The following TRMT11 variants were observed in gnomAD, a reference collection of about 807,000 sequenced individuals.
TRMT11 encodes tRNA (guanine(10)-N(2))-methyltransferase TRMT11.
TRMT11 carries 53 observed loss-of-function variants against 62.8 expected under a neutral mutation model. The ratio of observed to expected loss-of-function variants is 0.84; its 90% CI spans 0.68 to 1.06. The LOEUF is 1.06. Ranked by LOEUF, TRMT11 falls within the 50% of genes least tolerant of loss-of-function variation. TRMT11 has a pLI of 0.00. For missense variants in TRMT11, 556 were observed against 553.4 expected, an observed-to-expected ratio of 1.00 and a Z score of -0.05; for synonymous variants, 188 against 190.3, an observed-to-expected ratio of 0.99 and a Z score of 0.10.
chr6:126,242,494 G>A, the TRMT11 span, among the ~76,000 whole-genome samples: 4 of 152,158 alleles, frequency 2.6e-5, no homozygotes, highest in African/African-American at 9.7e-5. Context: ...TAAGCCAAAA[G>A]AACAAAGCTG....
the TRMT11 span, among the ~76,000 whole-genome samples, chr6:126,241,733 G>C: frequency 2.6e-5 from 4 of 152,110 alleles, no homozygotes; most frequent in Non-Finnish European, 5.9e-5. Flanking sequence ...GACCTTTGAC[G>C]AAATACAACA....
intron 7 of TRMT11, among the ~76,000 whole-genome samples, chr6:126,006,453 T>TA (rs1359903216): frequency 6.6e-6 from 1 of 152,016 alleles, no homozygotes; most frequent in Non-Finnish European, 1.5e-5. Flanking sequence ...GATACTACCC[T>TA]AACCTTAAAG....
At chr6:126,093,960 A>T (rs566511952) in intron 17 of TRMT11, among the ~76,000 whole-genome samples, 16 of 152,142 alleles carry the variant, frequency 1.1e-4, no homozygotes, top group Non-Finnish European at 2.2e-4. Flanking sequence ...TCCACAGTAT[A>T]ATGTGAGTGG....
In TRMT11 at chr6:126,080,056, A is replaced by G. The variant is rs528962894; in HGVS notation, c.*1437+26866A>G. Among the ~76,000 whole-genome samples, 9 of 152,172 alleles carry G rather than the reference A, an allele frequency of 5.9e-5. No individual in the cohort carries two copies. In the East Asian group the frequency reaches 1.7e-3, roughly 29 times the overall value. ...TCTGCTAGTGTATTTTTTTATCTAC[A>G]TAACAGGAAAAAGAAAACCAACTCT... is the stretch of plus-strand genomic sequence containing the variant. On this transcript the variant is annotated intron_variant and NMD_transcript_variant, in intron 17 of 22. Transcript: ENST00000648977.
intron 1 of TRMT11, among the ~76,000 whole-genome samples, chr6:126,193,488 G>GTTT (rs1778627491): frequency 1.7e-4 from 20 of 118,124 alleles, no homozygotes; most frequent in African/African-American, 6.3e-4. Context: ...GAGCGTTTCT[G>GTTT]TATTTTTTTT....
At chr6:126,081,462 C>G (rs1365397197) in intron 17 of TRMT11, among the ~76,000 whole-genome samples, 2 of 152,062 alleles carry the variant, frequency 1.3e-5, no homozygotes, top group Non-Finnish European at 2.9e-5. Context: ...CTCTAATAAG[C>G]AGAAAGTAGT....
At chr6:126,145,636 C>T (rs916936268) in intron 21 of TRMT11, among the ~76,000 whole-genome samples, 2 of 152,118 alleles carry the variant, frequency 1.3e-5, no homozygotes, top group Admixed American at 6.5e-5. Flanking sequence ...AGGTCAGTAA[C>T]GACTTCCATG....
At chr6:126,261,946 T>C in the TRMT11 span, among the ~76,000 whole-genome samples, 1 of 152,180 alleles carries the variant, frequency 6.6e-6, no homozygotes, top group Admixed American at 6.5e-5. Context: ...GTAGTCTGTC[T>C]AGGGGTGGGC....
chr6:126,037,190 C>T (rs974359009), intron 12 of TRMT11, among the ~76,000 whole-genome samples: 4 of 151,976 alleles, frequency 2.6e-5, no homozygotes, highest in African/African-American at 9.7e-5. Context: ...TCTTTAGAGT[C>T]AAACAGATCT....
At chr6:126,090,097 T>C (rs1777257578) in intron 17 of TRMT11, among the ~76,000 whole-genome samples, 1 of 152,174 alleles carries the variant, frequency 6.6e-6, no homozygotes, top group Non-Finnish European at 1.5e-5. Flanking sequence ...CAGACATCTT[T>C]CCCTTATTGA....
chr6:126,106,608 G>A (rs1052950234), intron 17 of TRMT11, among the ~76,000 whole-genome samples: 28 of 152,088 alleles, frequency 1.8e-4, no homozygotes, highest in Non-Finnish European at 2.5e-4. Flanking sequence ...GTTTGAATGC[G>A]GCCTCTATAA....
chr6:126,182,223 T>C (rs762604467), intron 1 of TRMT11, among the ~76,000 whole-genome samples: 9 of 152,046 alleles, frequency 5.9e-5, no homozygotes, highest in Non-Finnish European at 8.8e-5. Context: ...CTTTTCAGGG[T>C]TGAGGGAAAG....
the TRMT11 span, among the ~76,000 whole-genome samples, chr6:126,254,984 T>C: frequency 6.6e-6 from 1 of 152,164 alleles, no homozygotes; most frequent in Non-Finnish European, 1.5e-5. Context: ...GTTCATATGA[T>C]CATAAATCAA....
chr6:126,195,141 CT>C (rs556722697), intron 1 of TRMT11, among the ~76,000 whole-genome samples: 81 of 152,206 alleles, frequency 5.3e-4, no homozygotes, highest in Non-Finnish European at 1.1e-3. Context: ...AAATTAATTA[CT>C]TTATGATTCA....
the TRMT11 span, among the ~76,000 whole-genome samples, chr6:126,238,698 G>A: frequency 1.3e-5 from 2 of 152,194 alleles, no homozygotes; most frequent in Non-Finnish European, 2.9e-5. Flanking sequence ...CTGATTTGGG[G>A]TGGAGAGTTC....
chr6:126,030,829 T>G (rs1774062018), intron 12 of TRMT11, among the ~76,000 whole-genome samples: 1 of 152,234 alleles, frequency 6.6e-6, no homozygotes, highest in African/African-American at 2.4e-5. Flanking sequence ...AACTTCATCC[T>G]CTAGAAAGTG....
chr6:126,215,252 T>A, the TRMT11 span, among the ~76,000 whole-genome samples: 1 of 152,074 alleles, frequency 6.6e-6, no homozygotes, highest in Non-Finnish European at 1.5e-5. Flanking sequence ...TGATTTTCTG[T>A]CTGGATGATC....
chr6:126,213,731 C>CT, the TRMT11 span, among the ~76,000 whole-genome samples: 2 of 151,998 alleles, frequency 1.3e-5, no homozygotes, highest in East Asian at 3.9e-4. Flanking sequence ...AATTTGGATG[C>CT]CCTTTATATC....
chr6:126,045,826 G>A lies in TRMT11; in HGVS notation c.*1369+4981G>A, dbSNP rs573085104. 2.6e-5 allele frequency among the ~76,000 whole-genome samples: 4 copies of A among 152,282 alleles called. No individual in the cohort carries two copies. In the South Asian group the frequency reaches 8.3e-4, roughly 32 times the overall value. ...GGTTGTTAAGGAACATGGGCAACAA[G>A]TGGGCTATTTTATGGCTCAGCTCCT... is the stretch of plus-strand genomic sequence containing the variant. On this transcript the variant is annotated intron_variant and NMD_transcript_variant, in intron 16 of 22. Transcript: ENST00000648977.
Sources: gnomAD v4.1 joint callset for allele counts (sites outside exome capture counted in the v4.1 genomes callset) on GRCh38, gnomAD v4.1.1 for gene constraint, MANE v1.5 for transcripts, NCBI Gene and HGNC (gene_info 2026-07-23, HGNC 2026-07-21) for gene names.